SPACA7: variants seen among roughly 807,000 people sequenced by gnomAD.
The protein encoded by SPACA7 is sperm acrosome associated 7, also known as sperm acrosome-associated protein 7.
Under a neutral mutation model 26.3 loss-of-function variants are expected in SPACA7, and 19 were observed. The ratio of observed to expected loss-of-function variants is 0.72; its 90% CI spans 0.50 to 1.06. The LOEUF is 1.06. Ranked by LOEUF, SPACA7 falls within the 50% of genes least tolerant of loss-of-function variation. SPACA7 has a pLI of 0.00. For missense variants in SPACA7, 211 were observed against 229.9 expected (o/e 0.92, Z 0.53); for synonymous variants, 84 against 84.5 (o/e 0.99, Z 0.04).
At chr13:112,398,179 T>C (rs968558845) in intron 3 of SPACA7, 41 bp downstream of exon 3, 1 of 1,444,368 alleles carries the variant, frequency 6.9e-7, no homozygotes, top group Admixed American at 1.7e-5. Flanking sequence ...AACCCTCTAA[T>C]TGCCCTTATT....
intron 1 of SPACA7, chr13:112,382,383 C>T: frequency 6.5e-7 from 1 of 1,527,326 alleles, no homozygotes; most frequent in Non-Finnish European, 8.8e-7. Context: ...CAGGCATGAG[C>T]CACCGTGCCT....
chr13:112,392,672 C>T (rs1884969471), intron 1 of SPACA7, among the ~76,000 whole-genome samples: 1 of 152,240 alleles, frequency 6.6e-6, no homozygotes, highest in South Asian at 2.1e-4. Context: ...CTCAAAGCAG[C>T]TGGGTGAGCC....
At chr13:112,401,764 G>A (rs1885658920) in intron 5 of SPACA7, among the ~76,000 whole-genome samples, 1 of 152,208 alleles carries the variant, frequency 6.6e-6, no homozygotes, top group Admixed American at 6.5e-5. Context: ...GTTTATCTCT[G>A]AGCATGGTGT....
intron 1 of SPACA7, among the ~76,000 whole-genome samples, chr13:112,391,433 G>A (rs1012804148): frequency 1.3e-5 from 2 of 152,202 alleles, no homozygotes; most frequent in Non-Finnish European, 2.9e-5. Context: ...TGGTCCTAGT[G>A]ATTGAGAAGG....
At chr13:112,378,799 T>C (rs1464597008) in intron 1 of SPACA7, 1 of 468,908 alleles carries the variant, frequency 2.1e-6, no homozygotes, top group Non-Finnish European at 4.4e-6. Flanking sequence ...TCTGATTCTA[T>C]GTATCAATCT....
intron 6 of SPACA7, 94 bp downstream of exon 6, chr13:112,432,615 A>C: frequency 1.1e-6 from 1 of 926,738 alleles, no homozygotes; most frequent in Non-Finnish European, 1.7e-6. Context: ...CAGGGAGAGC[A>C]GGTGAGCCCA....
At chr13:112,405,142 C>G (rs1400904494) in intron 5 of SPACA7, among the ~76,000 whole-genome samples, 1 of 151,882 alleles carries the variant, frequency 6.6e-6, no homozygotes, top group Non-Finnish European at 1.5e-5. Flanking sequence ...GCCAACATGC[C>G]CAGCTAATTT....
Position 112,376,470 on chromosome 13 carries a change from G to A in SPACA7, c.85G>A (p.Val29Met), listed in dbSNP as rs201127697. The change falls in exon 1 of 7, where the codon GTG becomes ATG. Residue 29 changes from valine to methionine, a missense_variant. By Grantham distance (21) the Val-to-Met change is conservative. Coordinates refer to ENST00000283550, the MANE Select transcript of SPACA7 (RefSeq NM_145248.5). ...WQETELRPRT[V>M]IPGSPTEIPF... ...AGAAACTGAGCTCCGGCCGAGAACC[G>A]TGATTCCAGGTAGGGCCCCACAGGG... 173 of 1,612,658 alleles carry A rather than the reference G, an allele frequency of 1.1e-4. No individual in the cohort carries two copies. The highest frequency in any genetic ancestry group is 3.3e-4 in the African/African-American group (25 of 74,902).
intron 1 of SPACA7, 126 bp from the exon 2 acceptor site, chr13:112,392,895 A>C: frequency 1.5e-6 from 1 of 646,974 alleles, no homozygotes; most frequent in Non-Finnish European, 2.6e-6. Flanking sequence ...GAGAGACTGG[A>C]ACTTGGGCAG....
At chr13:112,422,389 T>C (rs933718315) in intron 5 of SPACA7, among the ~76,000 whole-genome samples, 2 of 152,170 alleles carry the variant, frequency 1.3e-5, no homozygotes, top group African/African-American at 4.8e-5. Flanking sequence ...ATAAAAGAAA[T>C]AGACAGAATA....
At chr13:112,411,428 T>G (rs1886343977) in intron 5 of SPACA7, among the ~76,000 whole-genome samples, 1 of 152,172 alleles carries the variant, frequency 6.6e-6, no homozygotes, top group African/African-American at 2.4e-5. Flanking sequence ...CATTTATCAT[T>G]TCTTTGGGTT....
In SPACA7 at chr13:112,379,397, C is replaced by A. The variant is rs996311849; in HGVS notation, c.94+2918C>A. 2.6e-5 allele frequency among the ~76,000 whole-genome samples: 4 copies of A among 152,268 alleles called. No homozygotes were observed. The East Asian group carries it at 7.7e-4, about 29-fold the overall frequency. On this transcript the variant is annotated intron_variant, in intron 1 of 6. Coordinates refer to ENST00000283550, the MANE Select transcript of SPACA7 (RefSeq NM_145248.5). The stretch of plus-strand genomic sequence containing the variant: ...AATAATTGTCTTGAATGACAAAAGA[C>A]ATAAAATGCATAAAATGGCCATGGT...
intron 1 of SPACA7, among the ~76,000 whole-genome samples, chr13:112,392,472 T>C (rs1181353935): frequency 6.6e-6 from 1 of 152,222 alleles, no homozygotes; most frequent in African/African-American, 2.4e-5. Context: ...CCCATCTCTC[T>C]GAGTCCTGCC....
chr13:112,422,961 G>A (rs1224563658), intron 5 of SPACA7, among the ~76,000 whole-genome samples: 1 of 152,130 alleles, frequency 6.6e-6, no homozygotes, highest in Non-Finnish European at 1.5e-5. Context: ...TCTTTGGCCA[G>A]CAACTGTTCA....
intron 2 of SPACA7, among the ~76,000 whole-genome samples, chr13:112,395,284 G>A (rs751180749): frequency 3.9e-5 from 6 of 152,216 alleles, no homozygotes; most frequent in African/African-American, 1.2e-4. Flanking sequence ...AATTGGAAGC[G>A]AGGACAAAAG....
intron 5 of SPACA7, among the ~76,000 whole-genome samples, chr13:112,412,074 G>C (rs1237347720): frequency 1.3e-5 from 2 of 152,010 alleles, no homozygotes; most frequent in African/African-American, 4.8e-5. Context: ...CACCAACAAT[G>C]TACAAGGATT....
intron 1 of SPACA7, chr13:112,378,632 C>G (rs574269808): frequency 3.0e-5 from 14 of 469,650 alleles, no homozygotes; most frequent in African/African-American, 2.0e-4. Context: ...GTGAATTTCT[C>G]TCTTCCGAAG....
In SPACA7 at chr13:112,382,488, G is replaced by T. The variant is rs188393907; in HGVS notation, c.94+6009G>T. The T allele has an allele frequency of 1.7e-5, 27 of 1,550,468 alleles. No homozygotes were observed. In the Admixed American group the frequency reaches 5.1e-4, roughly 29 times the overall value. ...TTCCCACTGACAGGGGACGTAGTGG[G>T]AATGGGAATGAACCCCAAGGTGAGA... On this transcript the variant is annotated intron_variant, in intron 1 of 6. Transcript: ENST00000283550.
chr13:112,397,667 A>T (rs1157811647), intron 2 of SPACA7, among the ~76,000 whole-genome samples: 1 of 152,190 alleles, frequency 6.6e-6, no homozygotes, highest in Admixed American at 6.5e-5. Flanking sequence ...TGACACAGAG[A>T]TCAGGAGCGA....
Sources: gnomAD v4.1 joint callset for allele counts (sites outside exome capture counted in the v4.1 genomes callset) on GRCh38, gnomAD v4.1.1 for gene constraint, MANE v1.5 for transcripts, NCBI Gene and HGNC (gene_info 2026-07-23, HGNC 2026-07-21) for gene names.